SFMBT2: variants seen among roughly 807,000 people sequenced by gnomAD.
SFMBT2 encodes the protein Scm like with four mbt domains 2.
Under a neutral mutation model 110.1 loss-of-function variants are expected in SFMBT2, and 38 were observed. That is an observed-to-expected ratio of 0.35 (90% CI 0.27 to 0.45). The LOEUF is 0.45. Among genes scored for constraint, SFMBT2 ranks in the 20% least tolerant of loss-of-function variants. The pLI is 1.00. For missense variants in SFMBT2, 1,011 were observed against 1,094.9 expected, an observed-to-expected ratio of 0.92 and a Z score of 1.08; for synonymous variants, 425 against 425.4, an observed-to-expected ratio of 1.00 and a Z score of 0.01.
intron 4 of SFMBT2, among the ~76,000 whole-genome samples, chr10:7,311,063 A>C (rs1420841687): frequency 3.5e-5 from 5 of 141,898 alleles, no homozygotes; most frequent in African/African-American, 1.3e-4. Flanking sequence ...AAAAAAAAAA[A>C]CAAAACAAAA....
chr10:7,341,176 G>A (rs11255084), intron 4 of SFMBT2, among the ~76,000 whole-genome samples: 31,184 of 152,032 alleles, frequency 0.21, 3,556 homozygotes, highest in East Asian at 0.32. Context: ...GAACTTCCTC[G>A]GGCCTCATGG....
intron 7 of SFMBT2, among the ~76,000 whole-genome samples, chr10:7,273,457 C>T (rs534302981): frequency 3.1e-4 from 47 of 152,266 alleles, no homozygotes; most frequent in African/African-American, 1.1e-3. Flanking sequence ...AACCAACCCC[C>T]GCCCACATTT....
chr10:7,229,515 T>A (rs1305408224), intron 9 of SFMBT2, among the ~76,000 whole-genome samples: 1 of 149,172 alleles, frequency 6.7e-6, no homozygotes. Flanking sequence ...GAGGCAGAGG[T>A]TGCAGTGAGG....
chr10:7,343,150 T>C (rs1299328469), intron 4 of SFMBT2, among the ~76,000 whole-genome samples: 1 of 152,178 alleles, frequency 6.6e-6, no homozygotes, highest in African/African-American at 2.4e-5. Context: ...TGGTTTTCTG[T>C]TCCTGCATTA....
intron 7 of SFMBT2, among the ~76,000 whole-genome samples, chr10:7,268,013 G>A (rs955938124): frequency 3.9e-5 from 6 of 152,220 alleles, no homozygotes; most frequent in African/African-American, 1.4e-4. Flanking sequence ...GTGGACAAAT[G>A]AGTTGTCAGT....
At chr10:7,361,900 C>T (rs1487197386) in intron 4 of SFMBT2, among the ~76,000 whole-genome samples, 2 of 152,164 alleles carry the variant, frequency 1.3e-5, no homozygotes, top group African/African-American at 4.8e-5. Context: ...ACTAAATCTC[C>T]AAAGCTCCCC....
rs138552480 is a variant in SFMBT2 at position 7,297,635 on chromosome 10, G to A, written c.437-11681C>T. 5.4e-3 allele frequency among the ~76,000 whole-genome samples: 825 copies of A among 152,166 alleles called. 8 individuals carry two copies. Among genetic ancestry groups the A allele is most frequent in the African/African-American group, 0.019 (771 of 41,520 alleles). On this transcript the variant is annotated intron_variant, in intron 4 of 20. Transcript: ENST00000397167. ...CTGATGAGCTACTGCAGAGAAACAA[G>A]GCAATTTAAAAAACTAGTTGGAGAG...
chr10:7,203,697 AGCAAGG>A (rs1839031253), intron 12 of SFMBT2: 1 of 984,576 alleles, frequency 1.0e-6, no homozygotes, highest in Admixed American at 6.2e-5. Flanking sequence ...ATGCTGGCTG[AGCAAGG>A]TCAGAATCTG....
At chr10:7,380,377 C>A (rs989164521) in intron 2 of SFMBT2, among the ~76,000 whole-genome samples, 6 of 152,186 alleles carry the variant, frequency 3.9e-5, no homozygotes, top group African/African-American at 1.4e-4. Context: ...TAAGGCCTTC[C>A]CTCATGTGAG....
chr10:7,294,154 T>C (rs2131865153), intron 4 of SFMBT2, among the ~76,000 whole-genome samples: 1 of 152,284 alleles, frequency 6.6e-6, no homozygotes, highest in Middle Eastern at 3.4e-3. Context: ...CTGTAATTAC[T>C]GCTTATCCCC....
intron 4 of SFMBT2, among the ~76,000 whole-genome samples, chr10:7,353,649 G>A (rs1412772470): frequency 1.3e-5 from 2 of 152,154 alleles, no homozygotes; most frequent in Non-Finnish European, 2.9e-5. Flanking sequence ...ATTTGGCGTT[G>A]AGAAATGTTT....
intron 4 of SFMBT2, among the ~76,000 whole-genome samples, chr10:7,331,734 C>T (rs190168976): frequency 2.0e-5 from 3 of 152,126 alleles, no homozygotes; most frequent in South Asian, 2.1e-4. Context: ...GGACCCTGTG[C>T]GCATCACTCC....
At chr10:7,165,746 T>G (rs1254977543) in intron 20 of SFMBT2, among the ~76,000 whole-genome samples, 1 of 152,256 alleles carries the variant, frequency 6.6e-6, no homozygotes, top group Non-Finnish European at 1.5e-5. Context: ...TGTAGAAAAC[T>G]GTCACTATAT....
At chr10:7,363,582 G>A (rs1478725238) in intron 4 of SFMBT2, among the ~76,000 whole-genome samples, 4 of 152,122 alleles carry the variant, frequency 2.6e-5, no homozygotes, top group Admixed American at 1.3e-4. Context: ...GCCTGACCTC[G>A]TGATCCGCCC....
At chr10:7,410,527 C>T (rs1490949864) in intron 1 of SFMBT2, among the ~76,000 whole-genome samples, 1 of 152,162 alleles carries the variant, frequency 6.6e-6, no homozygotes, top group Non-Finnish European at 1.5e-5. Context: ...GACGGACTCC[C>T]GCACGGCTCG....
rs1335552953 is a variant in SFMBT2, at chr10:7,315,028, A to AAGAAAGAAAG, written c.437-29084_437-29075dup. ...GAAAGAAAGAAAGAAAAGAGAGAGAAAGAAAGAAAGAGAAAGAAAGAAAGA... is the reference window on the plus strand; with the variant it reads ...GAAAGAAAGAAAGAAAAGAGAGAGAAAGAAAGAAAGAGAAAGAAAGAGAAAGAAAGAAAGA... On this transcript the variant is annotated intron_variant, in intron 4 of 20. Transcript: ENST00000397167. 3.6e-5 allele frequency among the ~76,000 whole-genome samples: 5 copies of AAGAAAGAAAG among 140,842 alleles called. 1 individual carries two copies. Among genetic ancestry groups the AAGAAAGAAAG allele is most frequent in the Admixed American group, 2.9e-4 (4 of 14,002 alleles). 92.4% of individuals were successfully genotyped at this position (140,842 alleles called of 152,430 possible).
chr10:7,397,768 G>A (rs569272104), intron 1 of SFMBT2, among the ~76,000 whole-genome samples: 71 of 152,250 alleles, frequency 4.7e-4, no homozygotes, highest in Non-Finnish European at 7.8e-4. Context: ...ATGAAGCGCC[G>A]TGTTAAGTGC....
intron 9 of SFMBT2, chr10:7,241,446 C>A (rs570406718): frequency 4.4e-6 from 3 of 675,188 alleles, no homozygotes; most frequent in African/African-American, 2.0e-5. Flanking sequence ...AAGAAATATT[C>A]TTTTGAGTTT....
intron 7 of SFMBT2, among the ~76,000 whole-genome samples, chr10:7,250,741 C>T (rs1176046024): frequency 6.6e-6 from 1 of 152,226 alleles, no homozygotes; most frequent in Non-Finnish European, 1.5e-5. Context: ...TCACCAGCAT[C>T]TGTTATTTGT....
Sources: allele counts gnomAD v4.1 joint callset (sites outside exome capture counted in the v4.1 genomes callset), GRCh38; gene constraint gnomAD v4.1.1; transcripts MANE v1.5; gene names NCBI Gene and HGNC (gene_info 2026-07-23, HGNC 2026-07-21).